The following DGKH variants were observed in gnomAD, a reference collection of about 807,000 sequenced individuals.
The protein encoded by DGKH is diacylglycerol kinase eta.
Under a neutral mutation model 159.3 loss-of-function variants are expected in DGKH, and 90 were observed. The ratio of observed to expected loss-of-function variants is 0.57; its 90% CI spans 0.48 to 0.67. DGKH has a LOEUF of 0.67. DGKH is among the 30% of genes least tolerant of loss of function. The pLI, the probability that DGKH is intolerant of heterozygous loss-of-function variation, is 0.00. For synonymous variants in DGKH, 536 were observed against 553.8 expected (o/e 0.97, Z 0.45); for missense variants, 1,181 against 1,506.1 (o/e 0.78, Z 3.57).
At chr13:42,114,924 T>C (rs1188816065) in intron 1 of DGKH, among the ~76,000 whole-genome samples, 10 of 152,372 alleles carry the variant, frequency 6.6e-5, no homozygotes. Flanking sequence ...AATAGTACCT[T>C]ACTTCTGATA....
intron 16 of DGKH, among the ~76,000 whole-genome samples, chr13:42,192,603 T>C (rs75327156): frequency 3.1e-4 from 28 of 90,142 alleles, no homozygotes; most frequent in South Asian, 2.0e-3. Context: ...CTTCCTCTTC[T>C]TCTTCTTCTT....
chr13:42,154,955 C>G (rs1956005772), intron 3 of DGKH, among the ~76,000 whole-genome samples: 1 of 151,742 alleles, frequency 6.6e-6, no homozygotes, highest in Non-Finnish European at 1.5e-5. Context: ...ATATTGAAAA[C>G]TATGTATTCC....
chr13:42,201,998 G>T (rs2138163289), intron 20 of DGKH, among the ~76,000 whole-genome samples: 1 of 152,238 alleles, frequency 6.6e-6, no homozygotes, highest in Middle Eastern at 3.4e-3. Flanking sequence ...AACTTCAGAG[G>T]TTAGTGAACA....
At chr13:42,166,793 C>A in intron 9 of DGKH, 119 bp downstream of exon 9, 2 of 885,704 alleles carry the variant, frequency 2.3e-6, no homozygotes, top group East Asian at 3.1e-5. Flanking sequence ...GTTTTTAAAG[C>A]TCTAATTATA....
chr13:42,076,593 A>G (rs1954105585), intron 1 of DGKH, among the ~76,000 whole-genome samples: 1 of 152,174 alleles, frequency 6.6e-6, no homozygotes, highest in Non-Finnish European at 1.5e-5. Context: ...AGTTTAGGTT[A>G]ACCCCTTTTT....
In DGKH at chr13:42,241,251, C is replaced by G. The variant is rs938885808; in HGVS notation, c.*12063C>G. The G allele has an allele frequency of 2.0e-5, 3 of 152,140 alleles. No homozygotes were observed. The highest frequency in any genetic ancestry group is 7.2e-5 in the African/African-American group (3 of 41,406). The allele number at this position is 152,140 out of a possible 1,614,324, so 9.4% of individuals were successfully genotyped here. A position where few individuals can be genotyped will look rare whatever the true frequency, so the allele number is the denominator to read the frequency against. The stretch of plus-strand genomic sequence containing the variant: ...ATACAGATAAAATAAGACAAAGCTC[C>G]CATCTGGTAGAGTCCAAGTTTGTTT... On this transcript the variant is annotated 3_prime_UTR_variant, in exon 30 of 30. Coordinates refer to ENST00000337343, the MANE Select transcript of DGKH (RefSeq NM_178009.5).
intron 29 of DGKH, among the ~76,000 whole-genome samples, chr13:42,221,790 A>G (rs1385753321): frequency 1.3e-5 from 2 of 152,216 alleles, no homozygotes; most frequent in Non-Finnish European, 2.9e-5. Context: ...AATGCAAAAT[A>G]CCAATAACAA....
intron 12 of DGKH, among the ~76,000 whole-genome samples, chr13:42,177,048 T>C (rs1264579326): frequency 6.6e-6 from 1 of 152,212 alleles, no homozygotes; most frequent in African/African-American, 2.4e-5. Flanking sequence ...TTTTAAAAAC[T>C]TTTTTATTGA....
intron 1 of DGKH, among the ~76,000 whole-genome samples, chr13:42,119,969 TC>T (rs535281179): frequency 9.2e-5 from 14 of 152,332 alleles, no homozygotes; most frequent in Admixed American, 5.2e-4. Flanking sequence ...CTTTGATACT[TC>T]CTTTCTACTG....
intron 14 of DGKH, among the ~76,000 whole-genome samples, chr13:42,188,456 T>C (rs1418569860): frequency 6.6e-6 from 1 of 152,224 alleles, no homozygotes; most frequent in Non-Finnish European, 1.5e-5. Context: ...CCCTTAGGCA[T>C]TGTTCACTCC....
At chr13:42,104,992 A>G (rs1234771512) in intron 1 of DGKH, among the ~76,000 whole-genome samples, 1 of 149,154 alleles carries the variant, frequency 6.7e-6, no homozygotes, top group South Asian at 2.2e-4. Context: ...CAACTTGTAT[A>G]GTTGTATCAT....
intron 2 of DGKH, among the ~76,000 whole-genome samples, chr13:42,128,190 A>G (rs1955211013): frequency 6.6e-6 from 1 of 152,244 alleles, no homozygotes; most frequent in South Asian, 2.1e-4. Context: ...ATAACCATTG[A>G]ATCAAATAAT....
chr13:42,135,903 T>G (rs1042607487), intron 3 of DGKH, among the ~76,000 whole-genome samples: 2 of 152,220 alleles, frequency 1.3e-5, no homozygotes, highest in Non-Finnish European at 2.9e-5. Flanking sequence ...CTTTTCTCAC[T>G]AATCATGATA....
Position 42,230,576 on chromosome 13 carries a change from A to G in DGKH, c.*1388A>G, listed in dbSNP as rs1018246546. On this transcript the variant is annotated 3_prime_UTR_variant, in exon 30 of 30. Coordinates refer to ENST00000337343, the MANE Select transcript of DGKH (RefSeq NM_178009.5). ...TTATAATATTTTAAAATTTGTATATAAGAGAAATAAACAGGGTACTGACTC... is the reference window on the plus strand; with the variant it reads ...TTATAATATTTTAAAATTTGTATATGAGAGAAATAAACAGGGTACTGACTC... 1 of 152,102 alleles carries G rather than the reference A, an allele frequency of 6.6e-6. No homozygotes were observed. Among genetic ancestry groups the G allele is most frequent in the Non-Finnish European group, 1.5e-5 (1 of 67,990 alleles). The allele number at this position is 152,102 out of a possible 1,614,324, so 9.4% of individuals were successfully genotyped here.
chr13:42,177,240 A>G (rs1156470659), intron 12 of DGKH, among the ~76,000 whole-genome samples: 1 of 147,430 alleles, frequency 6.8e-6, no homozygotes. Context: ...TTCTAATAGC[A>G]TAGATTGGTA....
At chr13:42,049,480 G>A (rs907922176) in intron 1 of DGKH, among the ~76,000 whole-genome samples, 1 of 152,254 alleles carries the variant, frequency 6.6e-6, no homozygotes, top group African/African-American at 2.4e-5. Flanking sequence ...TCCCACTTAG[G>A]CCCACTCAGA....
At position 42,235,770 on chromosome 13, in the gene DGKH, A is replaced by G. The variant is rs1344273549; in HGVS notation, c.*6582A>G. On this transcript the variant is annotated 3_prime_UTR_variant, in exon 30 of 30. Coordinates refer to ENST00000337343, the MANE Select transcript of DGKH (RefSeq NM_178009.5). ...GATGACTAGTAAATTCAAGTAATAT[A>G]TTTATCTACAGCTGGGAAAATATAA... The G allele has an allele frequency of 1.3e-5, 2 of 152,174 alleles. No homozygotes were observed. The highest frequency in any genetic ancestry group is 1.3e-4 in the Admixed American group (2 of 15,278). 9.4% of individuals were successfully genotyped at this position (152,174 alleles called of 1,614,324 possible).
rs772021089 is a variant in DGKH, at chr13:42,168,491, C to T, written c.1170C>T (p.Gly390=). 9.9e-6 allele frequency: 16 copies of T among 1,613,946 alleles called. No individual in the cohort carries two copies. Among genetic ancestry groups the T allele is most frequent in the African/African-American group, 5.3e-5 (4 of 74,906 alleles). The stretch of plus-strand genomic sequence containing the variant: ...ATTTCCGGATTCTTGTTTGTGGAGG[C>T]GATGGAAGTGTAGGTTGGGTTTTGT... The part of the protein sequence containing the change: ...FDNFRILVCG[G]DGSVGWVLSE... Residue 390 remains glycine, a synonymous_variant, in exon 10 of 30, where the codon GGC becomes GGT. Transcript: ENST00000337343.
At chr13:42,164,264 A>C (rs1378797057) in intron 7 of DGKH, among the ~76,000 whole-genome samples, 1 of 152,210 alleles carries the variant, frequency 6.6e-6, no homozygotes, top group East Asian at 1.9e-4. Flanking sequence ...TAATTTGATC[A>C]TCTGCTTTTC....
Sources: allele counts gnomAD v4.1 joint callset (sites outside exome capture counted in the v4.1 genomes callset), GRCh38; gene constraint gnomAD v4.1.1; transcripts MANE v1.5; gene names NCBI Gene and HGNC (gene_info 2026-07-23, HGNC 2026-07-21).